Variants in DYNC1I1 observed in about 807,000 individuals in gnomAD.
DYNC1I1 encodes the protein cytoplasmic dynein 1 intermediate chain 1.
DYNC1I1 carries 43 observed loss-of-function variants against 86.6 expected under a neutral mutation model. The observed-to-expected ratio is 0.50, with a 90% confidence interval of 0.39 to 0.64. The LOEUF (loss-of-function observed/expected upper bound fraction) is 0.64, where lower values mean the gene tolerates loss of function less well. Among genes scored for constraint, DYNC1I1 ranks in the 30% least tolerant of loss-of-function variants. DYNC1I1 has a pLI of 0.00. For missense variants in DYNC1I1, 604 were observed against 788.8 expected (o/e 0.77, Z 2.81); for synonymous variants, 262 against 283.7 (o/e 0.92, Z 0.77).
At chr7:95,827,891 T>C (rs1795236934) in intron 4 of DYNC1I1, among the ~76,000 whole-genome samples, 166 bp from the exon 5 acceptor site, 1 of 152,102 alleles carries the variant, frequency 6.6e-6, no homozygotes, top group Non-Finnish European at 1.5e-5. Context: ...CTCCTCGATT[T>C]CTCTTGTTTG....
intron 5 of DYNC1I1, among the ~76,000 whole-genome samples, chr7:95,869,014 C>T (rs1397952192): frequency 6.6e-6 from 1 of 152,136 alleles, no homozygotes; most frequent in Non-Finnish European, 1.5e-5. Flanking sequence ...GTTAGGAGTT[C>T]GAGTTGGTAG....
intron 16 of DYNC1I1, among the ~76,000 whole-genome samples, chr7:96,087,951 G>T (rs1003810070): frequency 2.0e-5 from 3 of 152,260 alleles, no homozygotes; most frequent in East Asian, 1.9e-4. Flanking sequence ...TAAAATCTAT[G>T]ATTGTAATTT....
At chr7:95,821,841 C>G (rs1379753831) in intron 4 of DYNC1I1, among the ~76,000 whole-genome samples, 1 of 152,128 alleles carries the variant, frequency 6.6e-6, no homozygotes, top group African/African-American at 2.4e-5. Context: ...ATGCTACCAA[C>G]AGTGTATGAG....
intron 6 of DYNC1I1, among the ~76,000 whole-genome samples, chr7:95,966,757 GT>G (rs1359383347): frequency 6.6e-6 from 1 of 152,212 alleles, no homozygotes; most frequent in African/African-American, 2.4e-5. Flanking sequence ...AATAGCTACT[GT>G]TTTTCCATAG....
intron 9 of DYNC1I1, among the ~76,000 whole-genome samples, chr7:95,988,933 A>G (rs562849115): frequency 6.6e-6 from 1 of 152,276 alleles, no homozygotes; most frequent in Admixed American, 6.5e-5. Context: ...AAATCACTCA[A>G]CTAGGGTATG....
Position 95,810,523 on chromosome 7 carries a change from C to G in DYNC1I1, c.223+17C>G. 6.2e-7 allele frequency: 1 copy of G among 1,602,054 alleles called. No individual in the cohort carries two copies. Among genetic ancestry groups the G allele is most frequent in the Non-Finnish European group, 8.5e-7 (1 of 1,172,918 alleles). On this transcript the variant is annotated intron_variant, in intron 3 of 16. Coordinates refer to ENST00000447467, the MANE Select transcript of DYNC1I1 (RefSeq NM_001135556.2). ...CGCCTCTAGGTACTTAAAAGTGCTTCCTGTTACTATTCCTCAAAATCAACT... is the reference window on the plus strand; with the variant it reads ...CGCCTCTAGGTACTTAAAAGTGCTTGCTGTTACTATTCCTCAAAATCAACT...
chr7:95,783,463 A>C (rs892242393), intron 1 of DYNC1I1, among the ~76,000 whole-genome samples: 17 of 152,180 alleles, frequency 1.1e-4, no homozygotes, highest in African/African-American at 4.1e-4. Flanking sequence ...TGTCTAATAG[A>C]GGGAAAATAG....
chr7:96,036,980 A>C (rs1211370044), intron 13 of DYNC1I1, among the ~76,000 whole-genome samples: 1 of 151,990 alleles, frequency 6.6e-6, no homozygotes, highest in East Asian at 1.9e-4. Context: ...ATTTTTTTTC[A>C]TCTCTTGCAC....
intron 1 of DYNC1I1, chr7:95,804,301 T>A: frequency 3.4e-6 from 4 of 1,183,034 alleles, no homozygotes; most frequent in Non-Finnish European, 4.4e-6. Flanking sequence ...TAGGGGTTTA[T>A]GACAGGCTGT....
intron 4 of DYNC1I1, among the ~76,000 whole-genome samples, chr7:95,816,713 A>G (rs866046718): frequency 2.6e-5 from 4 of 152,186 alleles, no homozygotes; most frequent in Non-Finnish European, 2.9e-5. Flanking sequence ...ATACTATGCT[A>G]TGGTTAATTA....
chr7:96,022,453 G>A (rs1196690953), intron 10 of DYNC1I1, among the ~76,000 whole-genome samples: 1 of 152,016 alleles, frequency 6.6e-6, no homozygotes, highest in East Asian at 1.9e-4. Context: ...TTGCTCCAGG[G>A]CACCCCCACA....
intron 6 of DYNC1I1, among the ~76,000 whole-genome samples, chr7:95,950,864 A>T (rs988593731): frequency 6.6e-6 from 1 of 152,222 alleles, no homozygotes; most frequent in Non-Finnish European, 1.5e-5. Flanking sequence ...GATAATCATG[A>T]CACAATAAAG....
Position 95,879,494 on chromosome 7 carries a change from G to C in DYNC1I1, c.490+9496G>C, listed in dbSNP as rs115303295. Among the ~76,000 whole-genome samples, 988 of 151,970 alleles carry C rather than the reference G, an allele frequency of 6.5e-3. 20 individuals are homozygous for C. Among genetic ancestry groups the C allele is most frequent in the African/African-American group, 0.023 (951 of 41,442 alleles). Reference sequence around the variant, plus strand: ...AGTGAAGAAGAAGTAATTATGGGGAGAGGAACAGCAAAAGTAAAGTAAGTG... The same window carrying C: ...AGTGAAGAAGAAGTAATTATGGGGACAGGAACAGCAAAAGTAAAGTAAGTG... On this transcript the variant is annotated intron_variant, in intron 6 of 16. Coordinates refer to ENST00000447467, the MANE Select transcript of DYNC1I1 (RefSeq NM_001135556.2).
intron 15 of DYNC1I1, 24 bp downstream of exon 15, chr7:96,076,221 G>A (rs1790334231): frequency 1.9e-6 from 3 of 1,612,346 alleles, no homozygotes; most frequent in South Asian, 2.2e-5. Context: ...CAGGCGCCCG[G>A]GCCGGAGGGC....
At chr7:95,812,288 C>A (rs902855052) in intron 3 of DYNC1I1, among the ~76,000 whole-genome samples, 7 of 152,168 alleles carry the variant, frequency 4.6e-5, no homozygotes, top group Non-Finnish European at 1.0e-4. Flanking sequence ...CATATGGCTT[C>A]TCTGGCATAT....
In DYNC1I1 at chr7:96,097,623, C is replaced by A. The variant is rs746260599; in HGVS notation, c.*30C>A. 1.1e-5 allele frequency: 17 copies of A among 1,612,540 alleles called. No homozygotes were observed. The highest frequency in any genetic ancestry group is 5.0e-5 in the Admixed American group (3 of 59,866). On this transcript the variant is annotated 3_prime_UTR_variant, in exon 17 of 17. Coordinates refer to ENST00000447467, the MANE Select transcript of DYNC1I1 (RefSeq NM_001135556.2). ...AATGAGCCACCCCCACTGCAGCCCC[C>A]ACCTTTGTGTCCTAGAGCTCAGCGT... is the stretch of plus-strand genomic sequence containing the variant.
intron 6 of DYNC1I1, among the ~76,000 whole-genome samples, chr7:95,879,678 G>A (rs1790401718): frequency 6.6e-6 from 1 of 152,118 alleles, no homozygotes; most frequent in Non-Finnish European, 1.5e-5. Flanking sequence ...CAAAATCTGG[G>A]CTATCTAGTT....
intron 6 of DYNC1I1, among the ~76,000 whole-genome samples, chr7:95,940,952 A>G (rs1010519288): frequency 5.3e-5 from 8 of 152,050 alleles, no homozygotes; most frequent in Non-Finnish European, 1.0e-4. Context: ...GTCTTTGATG[A>G]TGGTGATGTA....
chr7:95,941,408 A>G (rs1034381556), intron 6 of DYNC1I1, among the ~76,000 whole-genome samples: 6 of 152,014 alleles, frequency 3.9e-5, no homozygotes, highest in Non-Finnish European at 8.8e-5. Flanking sequence ...CCAGAGGTGG[A>G]GCCTACAGAG....
Sources: gnomAD v4.1 joint callset for allele counts (sites outside exome capture counted in the v4.1 genomes callset) on GRCh38, gnomAD v4.1.1 for gene constraint, MANE v1.5 for transcripts, NCBI Gene and HGNC (gene_info 2026-07-23, HGNC 2026-07-21) for gene names.